Variants in SGCZ observed in about 807,000 individuals in gnomAD.
SGCZ encodes the protein sarcoglycan zeta.
SGCZ carries 40 observed loss-of-function variants against 41.3 expected under a neutral mutation model. The observed-to-expected ratio is 0.97, with a 90% confidence interval of 0.75 to 1.26. The LOEUF is 1.26. Ranked by LOEUF, SGCZ falls within the 50% of genes most tolerant of loss-of-function variation. SGCZ has a pLI of 0.00. For synonymous variants in SGCZ, 206 were observed against 137.5 expected (o/e 1.50, Z -3.49); for missense variants, 552 against 369.8 (o/e 1.49, Z -4.04).
At chr8:14,928,641 G>A (rs1160771743) in intron 1 of SGCZ, among the ~76,000 whole-genome samples, 1 of 152,096 alleles carries the variant, frequency 6.6e-6, no homozygotes, top group Non-Finnish European at 1.5e-5. Context: ...TATTACTGGG[G>A]TCCTCAGTGG....
At chr8:14,603,511 A>G (rs940166483) in intron 1 of SGCZ, among the ~76,000 whole-genome samples, 24 of 152,140 alleles carry the variant, frequency 1.6e-4, no homozygotes, top group African/African-American at 5.8e-4. Context: ...AAAGAAAGAA[A>G]CTTCAAGTAT....
intron 1 of SGCZ, among the ~76,000 whole-genome samples, chr8:14,701,379 C>A (rs1408319751): frequency 1.3e-5 from 2 of 151,788 alleles, no homozygotes; most frequent in East Asian, 3.9e-4. Flanking sequence ...ATATTAGGAC[C>A]ATTAAAATCA....
intron 3 of SGCZ, among the ~76,000 whole-genome samples, chr8:14,285,559 A>C (rs1016611908): frequency 5.7e-5 from 8 of 140,062 alleles, no homozygotes; most frequent in Non-Finnish European, 1.1e-4. Flanking sequence ...AATAGGTCCT[A>C]TCTAAAGTGT....
intron 1 of SGCZ, among the ~76,000 whole-genome samples, chr8:15,157,363 C>CA (rs1799363710): frequency 6.6e-6 from 1 of 151,718 alleles, no homozygotes; most frequent in East Asian, 1.9e-4. Flanking sequence ...ACACCAGCCA[C>CA]ACTGCAGATT....
At chr8:14,943,901 G>A (rs1041564520) in intron 1 of SGCZ, among the ~76,000 whole-genome samples, 2 of 152,086 alleles carry the variant, frequency 1.3e-5, no homozygotes, top group Non-Finnish European at 2.9e-5. Context: ...TACTGCAAAG[G>A]ACGTAATCTT....
rs17119048 is a variant in SGCZ, at chr8:14,313,262, T to G, written c.336+10841A>C. On this transcript the variant is annotated intron_variant, in intron 3 of 7. Transcript: ENST00000382080. ...GTAGTAGGAACTATCCAAGATGTAG[T>G]AAAAGGTTTCTGTTACATAATTTTG... 8.5e-3 allele frequency among the ~76,000 whole-genome samples: 1,290 copies of G among 152,300 alleles called. 51 individuals are homozygous for G. In the East Asian group the frequency reaches 0.11, roughly 13 times the overall value.
At chr8:14,385,803 A>C (rs1804553520) in intron 2 of SGCZ, among the ~76,000 whole-genome samples, 1 of 152,198 alleles carries the variant, frequency 6.6e-6, no homozygotes, top group Non-Finnish European at 1.5e-5. Flanking sequence ...TTAATAACAA[A>C]TCGAATACAC....
At chr8:14,725,916 T>C (rs1349613833) in intron 1 of SGCZ, among the ~76,000 whole-genome samples, 2 of 152,154 alleles carry the variant, frequency 1.3e-5, no homozygotes, top group Non-Finnish European at 2.9e-5. Context: ...TCAGCAAAAA[T>C]ATATAGAAAT....
intron 1 of SGCZ, among the ~76,000 whole-genome samples, chr8:15,205,533 G>T (rs1303233389): frequency 1.3e-5 from 2 of 152,006 alleles, no homozygotes; most frequent in Admixed American, 1.3e-4. Context: ...TTAGAGAAAT[G>T]CAAATAAAAA....
chr8:14,446,659 A>T (rs1281536275), intron 2 of SGCZ, among the ~76,000 whole-genome samples: 1 of 152,176 alleles, frequency 6.6e-6, no homozygotes, highest in Non-Finnish European at 1.5e-5. Context: ...TGCACTTAAA[A>T]ATCCTGTATA....
chr8:14,743,637 T>C (rs1283768943), intron 1 of SGCZ, among the ~76,000 whole-genome samples: 2 of 152,012 alleles, frequency 1.3e-5, no homozygotes, highest in Non-Finnish European at 2.9e-5. Flanking sequence ...ATTGAAAATA[T>C]TTTAGAAAAA....
chr8:14,418,788 C>G (rs770051453), intron 2 of SGCZ, among the ~76,000 whole-genome samples: 1 of 151,832 alleles, frequency 6.6e-6, no homozygotes, highest in East Asian at 1.9e-4. Flanking sequence ...CTGATGGTTT[C>G]GATAGCTGAA....
At position 14,645,478 on chromosome 8, in the gene SGCZ, T is replaced by TTATATATATATATA. The variant is rs1046258520; in HGVS notation, c.40-90553_40-90552insTATATATATATATA. 6.6e-3 allele frequency among the ~76,000 whole-genome samples: 706 copies of TTATATATATATATA among 106,462 alleles called. 21 individuals are homozygous for TTATATATATATATA. The highest frequency in any genetic ancestry group is 0.037 in the East Asian group (112 of 2,990). The allele number at this position is 106,462 out of a possible 152,430, so 69.8% of individuals were successfully genotyped here. On this transcript the variant is annotated intron_variant, in intron 1 of 7. Coordinates refer to ENST00000382080, the MANE Select transcript of SGCZ (RefSeq NM_139167.4). Reference sequence around the variant, plus strand: ...AGTATCATTGATTATATATATATATTTATATGTATATATATATATATATGG... The same window carrying TTATATATATATATA: ...AGTATCATTGATTATATATATATATTTATATATATATATATATATGTATATATATATATATATGG...
chr8:14,098,673 C>T (rs1304379116), intron 7 of SGCZ, among the ~76,000 whole-genome samples: 3 of 152,114 alleles, frequency 2.0e-5, no homozygotes, highest in African/African-American at 7.2e-5. Flanking sequence ...ATATTAAAAG[C>T]TGGTGTTTTG....
At chr8:14,230,916 C>T (rs1806543455) in intron 4 of SGCZ, among the ~76,000 whole-genome samples, 2 of 151,816 alleles carry the variant, frequency 1.3e-5, no homozygotes, top group South Asian at 4.2e-4. Flanking sequence ...AATATAGTTT[C>T]CCTTAAACAT....
intron 1 of SGCZ, among the ~76,000 whole-genome samples, chr8:14,734,348 A>G (rs1798964257): frequency 1.3e-5 from 2 of 152,176 alleles, no homozygotes; most frequent in South Asian, 4.1e-4. Flanking sequence ...TGGTAAGAAA[A>G]CTACAGCAAC....
At chr8:14,206,689 G>A (rs1805626843) in intron 4 of SGCZ, among the ~76,000 whole-genome samples, 1 of 152,106 alleles carries the variant, frequency 6.6e-6, no homozygotes, top group Non-Finnish European at 1.5e-5. Context: ...AGTTACCTCT[G>A]GCCTGCTCTC....
intron 1 of SGCZ, among the ~76,000 whole-genome samples, chr8:15,038,882 G>T (rs965176018): frequency 6.6e-6 from 1 of 150,422 alleles, no homozygotes; most frequent in African/African-American, 2.4e-5. Context: ...GCGAAAAACT[G>T]CTTAACATCA....
chr8:14,728,557 T>A (rs536237935), intron 1 of SGCZ, among the ~76,000 whole-genome samples: 110 of 152,228 alleles, frequency 7.2e-4, no homozygotes, highest in African/African-American at 2.6e-3. Context: ...AAACATTTGA[T>A]ATATGAGAAA....
Sources: gnomAD v4.1 joint callset for allele counts (sites outside exome capture counted in the v4.1 genomes callset) on GRCh38, gnomAD v4.1.1 for gene constraint, MANE v1.5 for transcripts, NCBI Gene and HGNC (gene_info 2026-07-23, HGNC 2026-07-21) for gene names.